The following GRM5 variants were observed in gnomAD, a reference collection of about 807,000 sequenced individuals.
The protein encoded by GRM5 is metabotropic glutamate receptor 5.
In GRM5, 19 loss-of-function variants were observed where a neutral mutation model predicts 83.1. The ratio of observed to expected loss-of-function variants is 0.23; its 90% confidence interval spans 0.16 to 0.34. The LOEUF (loss-of-function observed/expected upper bound fraction) is 0.34, where lower values mean the gene tolerates loss of function less well. Among genes scored for constraint, GRM5 ranks in the 10% least tolerant of loss-of-function variants. The pLI, the probability that GRM5 is intolerant of heterozygous loss-of-function variation, is 1.00. For missense variants in GRM5, 1,160 were observed against 1,588.3 expected (o/e 0.73, Z 4.58); for synonymous variants, 675 against 633.6 (o/e 1.07, Z -0.98).
At position 88,606,012 on chromosome 11, in the gene GRM5, T is replaced by C. The variant is rs189571348; in HGVS notation, c.1148-1048A>G. On this transcript the variant is annotated intron_variant, in intron 4 of 9. Coordinates refer to ENST00000305447, the MANE Select transcript of GRM5 (RefSeq NM_001143831.3). Reference sequence around the variant, plus strand: ...ACAGGACTGAATAGTGAATCAGACCTGGAAGCTCTCTGAAGCTGAGCATTA... The same window carrying C: ...ACAGGACTGAATAGTGAATCAGACCCGGAAGCTCTCTGAAGCTGAGCATTA... Among the ~76,000 whole-genome samples the C allele has an allele frequency of 1.1e-3, 175 of 152,312 alleles. 1 individual carries two copies. In the Middle Eastern group the frequency reaches 0.014, roughly 12 times the overall value.
At chr11:88,599,902 A>G (rs1268156572) in intron 5 of GRM5, among the ~76,000 whole-genome samples, 1 of 152,066 alleles carries the variant, frequency 6.6e-6, no homozygotes, top group African/African-American at 2.4e-5. Flanking sequence ...AGTCCCAGCT[A>G]CTTGGGAGGC....
intron 2 of GRM5, among the ~76,000 whole-genome samples, chr11:88,877,801 G>C (rs1590932315): frequency 6.8e-6 from 1 of 146,108 alleles, no homozygotes; most frequent in East Asian, 2.1e-4. Flanking sequence ...CTGCACTTTA[G>C]CCTAGGCAAC....
Position 88,593,748 on chromosome 11 carries a change from C to T in GRM5, c.1564-3021G>A, listed in dbSNP as rs147930022. On this transcript the variant is annotated intron_variant, in intron 6 of 9. Transcript: ENST00000305447. The stretch of plus-strand genomic sequence containing the variant: ...TTCTTCCTTCCCTCCCTCCCTCCTT[C>T]GCTCCCTCCCTCCTTCTCTCTCTCT... Among the ~76,000 whole-genome samples, 1,399 of 142,342 alleles carry T rather than the reference C, an allele frequency of 9.8e-3. 24 individuals are homozygous for T. The highest frequency in any genetic ancestry group is 0.034 in the African/African-American group (1,320 of 38,286). 93.4% of individuals were successfully genotyped at this position (142,342 alleles called of 152,430 possible).
intron 3 of GRM5, among the ~76,000 whole-genome samples, chr11:88,737,160 T>A (rs988515052): frequency 1.1e-4 from 17 of 152,084 alleles, no homozygotes; most frequent in Admixed American, 6.6e-5. Flanking sequence ...ATGTCTTCAA[T>A]GAAGATGATA....
chr11:89,040,134 T>C (rs901460292), intron 2 of GRM5, among the ~76,000 whole-genome samples: 4 of 152,068 alleles, frequency 2.6e-5, no homozygotes, highest in East Asian at 1.9e-4. Context: ...GTAGTGCCTG[T>C]TTGTATAAAA....
At chr11:88,728,411 C>G (rs867529330) in intron 3 of GRM5, among the ~76,000 whole-genome samples, 3 of 152,046 alleles carry the variant, frequency 2.0e-5, no homozygotes, top group Non-Finnish European at 4.4e-5. Flanking sequence ...AAGCCCAGGA[C>G]CAGATGGATT....
intron 8 of GRM5, among the ~76,000 whole-genome samples, chr11:88,564,453 A>G (rs1372321860): frequency 6.6e-6 from 1 of 152,230 alleles, no homozygotes; most frequent in African/African-American, 2.4e-5. Context: ...ATGTTACTAG[A>G]GAAACTTTAT....
intron 2 of GRM5, among the ~76,000 whole-genome samples, chr11:88,993,452 A>G (rs1009982170): frequency 9.9e-5 from 15 of 152,198 alleles, no homozygotes; most frequent in African/African-American, 3.6e-4. Context: ...CTATTAGTAA[A>G]TACGTCTGTT....
chr11:88,556,051 G>C (rs924319441), intron 8 of GRM5, among the ~76,000 whole-genome samples: 2 of 152,086 alleles, frequency 1.3e-5, no homozygotes, highest in Non-Finnish European at 2.9e-5. Flanking sequence ...AAGCAGTTAA[G>C]CAGAAACTTA....
At chr11:88,522,100 A>T (rs1021601576) in intron 9 of GRM5, among the ~76,000 whole-genome samples, 2 of 152,160 alleles carry the variant, frequency 1.3e-5, no homozygotes, top group Non-Finnish European at 1.5e-5. Flanking sequence ...GGAACTAGCT[A>T]TTCAATAATG....
Position 89,003,933 on chromosome 11 carries a change from T to C in GRM5, c.661+43279A>G, listed in dbSNP as rs532469499. ...TGGCAGGTACATGTACAAGGGAATA[T>C]AGAGATATCCCAATAAGTGATTCTA... On this transcript the variant is annotated intron_variant, in intron 2 of 9. Coordinates refer to ENST00000305447, the MANE Select transcript of GRM5 (RefSeq NM_001143831.3). 4.6e-5 allele frequency among the ~76,000 whole-genome samples: 7 copies of C among 152,196 alleles called. No individual in the cohort carries two copies. In the South Asian group the frequency reaches 1.0e-3, roughly 23 times the overall value.
At chr11:89,023,985 A>C (rs561079874) in intron 2 of GRM5, among the ~76,000 whole-genome samples, 1 of 152,060 alleles carries the variant, frequency 6.6e-6, no homozygotes, top group Non-Finnish European at 1.5e-5. Context: ...CAGCACTTTG[A>C]GAGATGGATC....
At chr11:88,930,404 C>T (rs189620071) in intron 2 of GRM5, among the ~76,000 whole-genome samples, 6 of 152,236 alleles carry the variant, frequency 3.9e-5, no homozygotes, top group Admixed American at 6.5e-5. Context: ...ACAGAAGTAA[C>T]ATCCCATCTC....
At chr11:88,584,239 T>C (rs180838672) in intron 7 of GRM5, among the ~76,000 whole-genome samples, 1,601 of 141,280 alleles carry the variant, frequency 0.011, 15 homozygotes, top group African/African-American at 0.031. Flanking sequence ...CACACACACA[T>C]GCTAAAGCTA....
chr11:88,509,104 G>A lies in GRM5; in HGVS notation c.3127C>T (p.His1043Tyr), dbSNP rs1377269771. 4 of 1,547,276 alleles carry A rather than the reference G, an allele frequency of 2.6e-6. No homozygotes were observed. Among genetic ancestry groups the A allele is most frequent in the Non-Finnish European group, 3.5e-6 (4 of 1,146,250 alleles). Residue 1043 changes from histidine (H) to tyrosine (Y), a missense_variant, in exon 10 of 10, where the codon CAC becomes TAC. Coordinates refer to ENST00000305447, the MANE Select transcript of GRM5 (RefSeq NM_001143831.3). ...CTGCTGCGCGCCACAGGCTCCGAGT[G>A]CAGCGACGGCACATCGTCGTCCGTG... ...SRTDDDVPSLHSEPVARSSSS... is the reference protein window; with the variant it reads ...SRTDDDVPSLYSEPVARSSSS...
intron 2 of GRM5, among the ~76,000 whole-genome samples, chr11:89,025,308 C>A (rs545419965): frequency 6.4e-4 from 97 of 152,190 alleles, no homozygotes; most frequent in African/African-American, 2.3e-3. Context: ...AGATGGACAG[C>A]AAACATGTTT....
intron 2 of GRM5, among the ~76,000 whole-genome samples, chr11:88,902,731 G>A (rs1378658244): frequency 1.3e-5 from 2 of 151,922 alleles, no homozygotes; most frequent in African/African-American, 2.4e-5. Context: ...CGAAGCAGGC[G>A]GATCATGAGG....
chr11:88,799,799 C>T (rs4002398), intron 3 of GRM5, among the ~76,000 whole-genome samples: 66,119 of 152,016 alleles, frequency 0.43, 17,098 homozygotes, highest in African/African-American at 0.7. Context: ...CCTTCACCTA[C>T]AGAAATGAAA....
At chr11:89,003,427 G>A (rs1565330672) in intron 2 of GRM5, among the ~76,000 whole-genome samples, 1 of 151,992 alleles carries the variant, frequency 6.6e-6, no homozygotes, top group Non-Finnish European at 1.5e-5. Flanking sequence ...AGGGTGAGGG[G>A]GGAAGATAAA....
Sources: gnomAD v4.1 joint callset for allele counts (sites outside exome capture counted in the v4.1 genomes callset) on GRCh38, gnomAD v4.1.1 for gene constraint, MANE v1.5 for transcripts, NCBI Gene and HGNC (gene_info 2026-07-23, HGNC 2026-07-21) for gene names.